LIMK2: variants seen among roughly 807,000 people sequenced by gnomAD.
LIMK2 encodes LIM domain kinase 2.
Under a neutral mutation model 75.7 loss-of-function variants are expected in LIMK2, and 35 were observed. The observed-to-expected ratio is 0.46, with a 90% confidence interval of 0.35 to 0.61. The LOEUF (loss-of-function observed/expected upper bound fraction) is 0.61. Ranked by LOEUF, LIMK2 falls within the 20% of genes least tolerant of loss-of-function variation. LIMK2 has a pLI of 0.00. For synonymous variants in LIMK2, 301 were observed against 319.2 expected, an observed-to-expected ratio of 0.94 and a Z score of 0.61; for missense variants, 623 against 831.0, an observed-to-expected ratio of 0.75 and a Z score of 3.08.
chr22:31,237,168 G>A (rs1230264877), intron 2 of LIMK2, among the ~76,000 whole-genome samples: 1 of 151,080 alleles, frequency 6.6e-6, no homozygotes, highest in East Asian at 1.9e-4. Flanking sequence ...GGCTGAGGCA[G>A]GAGAATGGCG....
rs1018374000 is a variant in LIMK2 at position 31,212,305 on chromosome 22, C to T, written c.-104C>T. 3 of 1,228,380 alleles carry T rather than the reference C, an allele frequency of 2.4e-6. No individual in the cohort carries two copies. Among genetic ancestry groups the T allele is most frequent in the Non-Finnish European group, 3.1e-6 (3 of 959,674 alleles). The allele number at this position is 1,228,380 out of a possible 1,614,324, so 76.1% of individuals were successfully genotyped here. The stretch of plus-strand genomic sequence containing the variant: ...TTCGCGCCTGGGGCTGTGGTCTTCC[C>T]GCGCCTGAGGCGGCGGCGGCAGGAG... On this transcript the variant is annotated 5_prime_UTR_variant, in exon 1 of 16. Coordinates refer to ENST00000331728, the MANE Select transcript of LIMK2 (RefSeq NM_005569.4).
intron 11 of LIMK2, among the ~76,000 whole-genome samples, chr22:31,268,775 T>C (rs939296315): frequency 2.6e-5 from 4 of 152,216 alleles, no homozygotes; most frequent in African/African-American, 7.2e-5. Context: ...TTAACATGCA[T>C]GTGCATGTTT....
chr22:31,262,696 C>T lies in LIMK2; in HGVS notation c.759C>T (p.Leu253=), dbSNP rs368962682. 1.3e-5 allele frequency: 21 copies of T among 1,614,054 alleles called. No individual in the cohort carries two copies. The highest frequency in any genetic ancestry group is 5.1e-6 in the Non-Finnish European group (6 of 1,180,030). The change falls in exon 7 of 16, where the codon CTC becomes CTT. Residue 253 remains leucine, a synonymous_variant. Transcript: ENST00000331728. The surrounding 1 kb of genome is among the most constrained non-coding windows in gnomAD (Gnocchi z 5.0). ...RLDQLRLEAR[L]APHMQNAGHP... The stretch of plus-strand genomic sequence containing the variant: ...ACCAGCTGCGGCTGGAGGCCCGGCT[C>T]GCTCCTCACATGCAGAATGCCGGAC...
At position 31,225,772 on chromosome 22, in the gene LIMK2, G is replaced by C. The variant is rs367645806; in HGVS notation, c.69G>C (p.Gln23His). 3.5e-5 allele frequency: 57 copies of C among 1,614,024 alleles called. No individual in the cohort carries two copies. Among genetic ancestry groups the C allele is most frequent in the Non-Finnish European group, 4.3e-5 (51 of 1,180,016 alleles). Residue 23 changes from glutamine (Q) to histidine (H), a missense_variant, in exon 2 of 16, where the codon CAG (glutamine) becomes CAC (histidine). By Grantham distance (24) the Gln-to-His change is conservative (BLOSUM62 0). Coordinates refer to ENST00000331728, the MANE Select transcript of LIMK2 (RefSeq NM_005569.4). Reference protein sequence around the residue: ...PGCGDHIAPSQIWYRTVNETW... With the variant: ...PGCGDHIAPSHIWYRTVNETW... ...GTGGGGACCACATTGCTCCAAGCCAGATATGGTACAGGACTGTCAACGAAA... is the reference window on the plus strand; with the variant it reads ...GTGGGGACCACATTGCTCCAAGCCACATATGGTACAGGACTGTCAACGAAA...
chr22:31,219,567 TTTTTA>T (rs1355419031), intron 1 of LIMK2, among the ~76,000 whole-genome samples: 1 of 152,078 alleles, frequency 6.6e-6, no homozygotes, highest in Non-Finnish European at 1.5e-5. Context: ...ACTCTTCTTT[TTTTTA>T]TTTTATTTTA....
At chr22:31,221,356 AT>A (rs1197762943) in intron 1 of LIMK2, among the ~76,000 whole-genome samples, 1 of 145,832 alleles carries the variant, frequency 6.9e-6, no homozygotes, top group East Asian at 2.1e-4. Context: ...TGCCCCGTTA[AT>A]TTGTATTCAT....
chr22:31,217,886 G>A (rs551139984), intron 1 of LIMK2, among the ~76,000 whole-genome samples: 3 of 152,234 alleles, frequency 2.0e-5, no homozygotes, highest in African/African-American at 7.2e-5. Context: ...TTATTTCTGT[G>A]TATATCCATG....
intron 2 of LIMK2, chr22:31,248,429 T>C (rs1222360659): frequency 1.4e-6 from 2 of 1,438,598 alleles, no homozygotes; most frequent in Middle Eastern, 2.6e-4. Flanking sequence ...GTGTGTAGCC[T>C]CCACAGAGAG....
At chr22:31,214,194 AG>A (rs2048371546) in intron 1 of LIMK2, among the ~76,000 whole-genome samples, 2 of 152,152 alleles carry the variant, frequency 1.3e-5, no homozygotes, top group South Asian at 4.1e-4. Flanking sequence ...AAATTGTGAA[AG>A]GTTTCACAGT....
intron 2 of LIMK2, among the ~76,000 whole-genome samples, chr22:31,249,163 C>G (rs559593277): frequency 6.6e-6 from 1 of 152,314 alleles, no homozygotes; most frequent in Non-Finnish European, 1.5e-5. Flanking sequence ...GAATTTGTCC[C>G]AACAAGCAGG....
chr22:31,245,927 C>G (rs1196828886), intron 2 of LIMK2, among the ~76,000 whole-genome samples: 2 of 151,854 alleles, frequency 1.3e-5, no homozygotes, highest in African/African-American at 4.8e-5. Flanking sequence ...AATCTCAGCA[C>G]TTTGGGAGGC....
At chr22:31,268,330 G>C (rs1163215394) in intron 11 of LIMK2, 130 bp downstream of exon 11, 11 of 774,074 alleles carry the variant, frequency 1.4e-5, no homozygotes, top group Non-Finnish European at 2.6e-5. Context: ...TATTCATTGA[G>C]TTTGTCTGTG....
chr22:31,276,893 G>A (rs775833762), intron 15 of LIMK2: 10 of 1,612,788 alleles, frequency 6.2e-6, no homozygotes, highest in East Asian at 2.2e-5. Flanking sequence ...AAGGAGCTAC[G>A]GAAGCACCTC....
intron 4 of LIMK2, 35 bp from the exon 5 acceptor site, chr22:31,259,854 C>T (rs986260534): frequency 5.7e-6 from 9 of 1,575,650 alleles, no homozygotes; most frequent in Non-Finnish European, 6.0e-6. Flanking sequence ...GTGTGGGACT[C>T]TAGCATCTTA....
At position 31,275,541 on chromosome 22, in the gene LIMK2, A is replaced by C. The variant is rs992635702; in HGVS notation, c.1772+233A>C. The C allele has an allele frequency of 2.4e-5, 12 of 510,554 alleles. No individual in the cohort carries two copies. The South Asian group carries it at 3.4e-4, about 14-fold the overall frequency. The allele number at this position is 510,554 out of a possible 1,614,324, so 31.6% of individuals were successfully genotyped here. A position where few individuals can be genotyped will look rare whatever the true frequency, so the allele number is the denominator to read the frequency against. On this transcript the variant is annotated intron_variant, in intron 15 of 15. Coordinates refer to ENST00000331728, the MANE Select transcript of LIMK2 (RefSeq NM_005569.4). ...GACACAGAAACACAGCCATTAAAAGAAAGTTTAAAAGAAGGAAATTCACCC... is the reference window on the plus strand; with the variant it reads ...GACACAGAAACACAGCCATTAAAAGCAAGTTTAAAAGAAGGAAATTCACCC...
chr22:31,212,881 G>C (rs1451962596), intron 1 of LIMK2, among the ~76,000 whole-genome samples: 2 of 152,168 alleles, frequency 1.3e-5, no homozygotes, highest in Non-Finnish European at 2.9e-5. Flanking sequence ...GTTACCCCGG[G>C]TTCTGGGTTT....
chr22:31,215,918 T>C (rs902250931), intron 1 of LIMK2, among the ~76,000 whole-genome samples: 1 of 152,176 alleles, frequency 6.6e-6, no homozygotes, highest in Non-Finnish European at 1.5e-5. Context: ...ATTCCACAAA[T>C]ATATATTGAG....
In LIMK2 at chr22:31,271,193, A is replaced by G. The variant is rs770430583; in HGVS notation, c.1375A>G (p.Ile459Val). 1.2e-6 allele frequency: 2 copies of G among 1,613,968 alleles called. No homozygotes were observed. Among genetic ancestry groups the G allele is most frequent in the Non-Finnish European group, 1.7e-6 (2 of 1,179,888 alleles). Residue 459 changes from isoleucine to valine, a missense_variant, in exon 12 of 16, where the codon ATC (isoleucine) becomes GTC (valine). By Grantham distance (29) the Ile-to-Val change is conservative. Coordinates refer to ENST00000331728, the MANE Select transcript of LIMK2 (RefSeq NM_005569.4). The part of the protein sequence containing the change: ...HRDLNSHNCL[I>V]KLDKTVVVAD... ...GGATCTGAACTCGCACAACTGCCTC[A>G]TCAAGTTGGTATGTCCCACTGCTCT...
chr22:31,275,021 G>A (rs2048998827), intron 14 of LIMK2, 130 bp from the exon 15 acceptor site: 1 of 828,564 alleles, frequency 1.2e-6, no homozygotes, highest in Non-Finnish European at 2.0e-6. Flanking sequence ...GGATTGGGGA[G>A]AGCTCTCTAA....
Sources: gnomAD v4.1 joint callset for allele counts (sites outside exome capture counted in the v4.1 genomes callset) on GRCh38, gnomAD v4.1.1 for gene constraint, Gnocchi (gnomAD v3.1) non-coding constraint, MANE v1.5 for transcripts, NCBI Gene and HGNC (gene_info 2026-07-23, HGNC 2026-07-21) for gene names.